The following ERICH3 variants were observed in gnomAD, a reference collection of about 807,000 sequenced individuals.
The protein encoded by ERICH3 is glutamate-rich protein 3.
Under a neutral mutation model 131.1 loss-of-function variants are expected in ERICH3, and 126 were observed. The observed-to-expected ratio is 0.96, with a 90% confidence interval of 0.83 to 1.11. The LOEUF (loss-of-function observed/expected upper bound fraction) is 1.11. Among genes scored for constraint, ERICH3 ranks in the 50% most tolerant of loss-of-function variants. ERICH3 has a pLI of 0.00. For missense variants in ERICH3, 2,050 were observed against 1,810.7 expected, an observed-to-expected ratio of 1.13 and a Z score of -2.40; for synonymous variants, 695 against 644.6, an observed-to-expected ratio of 1.08 and a Z score of -1.18.
intron 1 of ERICH3, among the ~76,000 whole-genome samples, chr1:74,671,844 T>G (rs1395624028): frequency 6.6e-6 from 1 of 152,254 alleles, no homozygotes; most frequent in Non-Finnish European, 1.5e-5. Flanking sequence ...TATTTTGTTC[T>G]GAACACTGTC....
intron 1 of ERICH3, among the ~76,000 whole-genome samples, chr1:74,669,812 C>A (rs1337165363): frequency 6.6e-6 from 1 of 152,138 alleles, no homozygotes; most frequent in African/African-American, 2.4e-5. Context: ...CAATGGAAAT[C>A]AAAGGAAGCA....
intron 7 of ERICH3, among the ~76,000 whole-genome samples, chr1:74,629,367 AG>A (rs1256957373): frequency 3.3e-4 from 50 of 152,020 alleles, no homozygotes; most frequent in Admixed American, 3.0e-3. Flanking sequence ...AGAGAGAAAA[AG>A]GTTTTTTTTT....
chr1:74,599,412 C>T (rs1648012041), intron 11 of ERICH3, among the ~76,000 whole-genome samples: 1 of 151,762 alleles, frequency 6.6e-6, no homozygotes, highest in Non-Finnish European at 1.5e-5. Context: ...ACAACAAACA[C>T]TGGGGCCTAT....
chr1:74,611,834 C>T (rs2100596081), intron 9 of ERICH3, among the ~76,000 whole-genome samples: 1 of 152,256 alleles, frequency 6.6e-6, no homozygotes, highest in East Asian at 1.9e-4. Flanking sequence ...ACTCTTGTCT[C>T]CCTTCACTCC....
At chr1:74,646,624 A>C (rs1646486391) in intron 3 of ERICH3, 43 bp downstream of exon 3, 2 of 1,061,292 alleles carry the variant, frequency 1.9e-6, no homozygotes, top group Admixed American at 3.6e-5. Context: ...ATGTGGAAGT[A>C]GAAAAAAATA....
intron 1 of ERICH3, among the ~76,000 whole-genome samples, chr1:74,654,358 A>G (rs191535082): frequency 4.0e-3 from 604 of 151,058 alleles, no homozygotes; most frequent in African/African-American, 0.012. Flanking sequence ...GGATATGTGT[A>G]TATATATATA....
intron 11 of ERICH3, among the ~76,000 whole-genome samples, chr1:74,594,629 G>A (rs696694): frequency 6.6e-6 from 1 of 151,818 alleles, no homozygotes; most frequent in Non-Finnish European, 1.5e-5. Context: ...ATCCACCTCC[G>A]TTCGCATGAG....
At chr1:74,583,807 G>A (rs566478824) in intron 12 of ERICH3, among the ~76,000 whole-genome samples, 117 of 152,158 alleles carry the variant, frequency 7.7e-4, no homozygotes, top group Admixed American at 9.8e-4. Context: ...TTTGGTATAC[G>A]TTACATCTTT....
intron 1 of ERICH3, among the ~76,000 whole-genome samples, chr1:74,665,467 G>T (rs1213797743): frequency 6.6e-6 from 1 of 152,158 alleles, no homozygotes; most frequent in Non-Finnish European, 1.5e-5. Flanking sequence ...CCTTTGCAGA[G>T]CCAAGTAATG....
At chr1:74,586,287 G>A (rs1465221600) in intron 12 of ERICH3, 4 of 649,522 alleles carry the variant, frequency 6.2e-6, no homozygotes, top group Non-Finnish European at 7.6e-6. Context: ...AGAACAAAAT[G>A]TATAGTATGT....
At chr1:74,641,533 A>AT (rs1362559035) in intron 4 of ERICH3, 74 bp from the exon 5 acceptor site, 1 of 1,461,112 alleles carries the variant, frequency 6.8e-7, no homozygotes, top group African/African-American at 1.4e-5. Context: ...GACATGTGCG[A>AT]AATACTATAT....
chr1:74,666,246 G>A (rs1011084448), intron 1 of ERICH3, among the ~76,000 whole-genome samples: 1 of 152,062 alleles, frequency 6.6e-6, no homozygotes, highest in African/African-American at 2.4e-5. Context: ...ATACAAAAGA[G>A]ACAAGGGGAT....
chr1:74,598,984 C>T (rs1647990209), intron 11 of ERICH3, among the ~76,000 whole-genome samples: 1 of 151,776 alleles, frequency 6.6e-6, no homozygotes, highest in East Asian at 1.9e-4. Context: ...GTTATTCATA[C>T]ACGTATTGAC....
intron 6 of ERICH3, among the ~76,000 whole-genome samples, chr1:74,632,457 G>A (rs1379680178): frequency 6.6e-6 from 1 of 151,758 alleles, no homozygotes; most frequent in East Asian, 1.9e-4. Flanking sequence ...AAAATTTTAA[G>A]GTATATATCC....
rs146350495 is a variant in ERICH3, at chr1:74,569,276, C to T, written c.*1182G>A. On this transcript the variant is annotated 3_prime_UTR_variant, in exon 15 of 15. Coordinates refer to ENST00000326665, the MANE Select transcript of ERICH3 (RefSeq NM_001002912.5). The stretch of plus-strand genomic sequence containing the variant: ...AAAAGGGTTGAGTCATTTATAAAAG[C>T]GTCCCATGAAAATCTAATGTATATT... 6.6e-5 allele frequency: 10 copies of T among 151,890 alleles called. No homozygotes were observed. The East Asian group carries it at 9.7e-4, about 15-fold the overall frequency. 9.4% of individuals were successfully genotyped at this position (151,890 alleles called of 1,614,324 possible).
Position 74,571,411 on chromosome 1 carries a change from A to G in ERICH3, c.4299T>C (p.Thr1433=). 1.2e-6 allele frequency: 2 copies of G among 1,613,678 alleles called. No homozygotes were observed. The highest frequency in any genetic ancestry group is 1.7e-6 in the Non-Finnish European group (2 of 1,179,930). Residue 1433 remains threonine (T), a synonymous_variant, in exon 14 of 15, where the codon ACT becomes ACC. Coordinates refer to ENST00000326665, the MANE Select transcript of ERICH3 (RefSeq NM_001002912.5). ...VTYTTEAGVG[T]PGALERKTSG... ...AGGTCTTCCGCTCCAGGGCTCCTGG[A>G]GTGCCCACCCCAGCCTCTGTTGTAT...
Position 74,631,848 on chromosome 1 carries a change from G to GT in ERICH3, c.683dup (p.Asn228LysfsTer22). On this transcript the variant is annotated frameshift_variant, in exon 7 of 15. Transcript: ENST00000326665. LOFTEE classifies it high-confidence loss of function. ...GAGGAGGAATAGGCATCATGTAACTGTTAATGTTTGGAAGTTGATATGAAT... is the reference window on the plus strand; with the variant it reads ...GAGGAGGAATAGGCATCATGTAACTGTTTAATGTTTGGAAGTTGATATGAAT... 6.2e-7 allele frequency: 1 copy of GT among 1,613,450 alleles called. No homozygotes were observed. The highest frequency in any genetic ancestry group is 8.5e-7 in the Non-Finnish European group (1 of 1,179,572).
In ERICH3 at chr1:74,571,469, T is replaced by C. The variant is rs1646944254; in HGVS notation, c.4241A>G (p.Glu1414Gly). 6.2e-7 allele frequency: 1 copy of C among 1,613,908 alleles called. No homozygotes were observed. The highest frequency in any genetic ancestry group is 1.3e-5 in the African/African-American group (1 of 74,870). Residue 1414 changes from glutamate (E) to glycine (G), a missense_variant, in exon 14 of 15, where the codon GAA becomes GGA. Coordinates refer to ENST00000326665, the MANE Select transcript of ERICH3 (RefSeq NM_001002912.5). Reference protein sequence around the residue: ...VVEELARSGEEVPAAEEMTVT... With the variant: ...VVEELARSGEGVPAAEEMTVT... ...TGTCATCTCCTCTGCTGCTGGCACT[T>C]CCTCCCCACTCCGTGCTAATTCCTC...
intron 13 of ERICH3, 22 bp from the exon 14 acceptor site, chr1:74,573,513 T>A (rs1646998628): frequency 6.7e-7 from 1 of 1,490,720 alleles, no homozygotes; most frequent in Non-Finnish European, 8.9e-7. Flanking sequence ...AGGTTAGAAA[T>A]CAAGATTACT....
Sources: gnomAD v4.1 joint callset for allele counts (sites outside exome capture counted in the v4.1 genomes callset) on GRCh38, gnomAD v4.1.1 for gene constraint, MANE v1.5 for transcripts, NCBI Gene and HGNC (gene_info 2026-07-23, HGNC 2026-07-21) for gene names.